The following C11orf97 variants were observed in gnomAD, a reference collection of about 807,000 sequenced individuals.
C11orf97 encodes the protein uncharacterized protein C11orf97.
A neutral mutation model predicts 16.2 loss-of-function variants in C11orf97; 15 were observed. That is an observed-to-expected ratio of 0.93 (90% CI 0.62 to 1.43). The LOEUF (loss-of-function observed/expected upper bound fraction) is 1.43, where lower values mean the gene tolerates loss of function less well. Ranked by LOEUF, C11orf97 falls within the 40% of genes most tolerant of loss-of-function variation. C11orf97 has a pLI of 0.00. For synonymous variants in C11orf97, 61 were observed against 65.7 expected, an observed-to-expected ratio of 0.93 and a Z score of 0.34; for missense variants, 171 against 161.2, an observed-to-expected ratio of 1.06 and a Z score of -0.33.
At chr11:94,517,467 A>G (rs781295081) in intron 1 of C11orf97, 116 bp from the exon 2 acceptor site, 16 of 521,090 alleles carry the variant, frequency 3.1e-5, no homozygotes, top group Non-Finnish European at 5.0e-5. Flanking sequence ...AAATTGTCTG[A>G]TATTTGTATG....
At position 94,526,591 on chromosome 11, in the gene C11orf97, G is replaced by A. The variant is rs1006066851; in HGVS notation, c.251-1493G>A. Among the ~76,000 whole-genome samples the A allele has an allele frequency of 3.4e-4, 51 of 152,156 alleles. 1 individual carries two copies. Among genetic ancestry groups the A allele is most frequent in the Non-Finnish European group, 6.9e-4 (47 of 68,002 alleles). Reference sequence around the variant, plus strand: ...CCACAAGTTCAAATCTATTTCCCTGGTCTCCCACAGGGTATCATGCACTGG... The same window carrying A: ...CCACAAGTTCAAATCTATTTCCCTGATCTCCCACAGGGTATCATGCACTGG... On this transcript the variant is annotated intron_variant, in intron 2 of 3. Transcript: ENST00000542198.
chr11:94,524,151 G>A (rs906273348), intron 2 of C11orf97, among the ~76,000 whole-genome samples: 49 of 152,082 alleles, frequency 3.2e-4, no homozygotes, highest in African/African-American at 9.9e-4. Flanking sequence ...TCTTCTGCAC[G>A]TGATAAATTT....
chr11:94,520,155 A>C (rs1947646533), intron 2 of C11orf97, among the ~76,000 whole-genome samples: 1 of 152,176 alleles, frequency 6.6e-6, no homozygotes, highest in African/African-American at 2.4e-5. Context: ...GAGTCCAGGG[A>C]AACTGTTCTT....
At chr11:94,521,172 T>C (rs1322023322) in intron 2 of C11orf97, among the ~76,000 whole-genome samples, 1 of 152,242 alleles carries the variant, frequency 6.6e-6, no homozygotes, top group Non-Finnish European at 1.5e-5. Context: ...GAAATTGTCC[T>C]CCAGGTCACC....
At chr11:94,528,314 C>A in intron 3 of C11orf97, 105 bp downstream of exon 3, 2 of 1,079,056 alleles carry the variant, frequency 1.9e-6, no homozygotes, top group Non-Finnish European at 2.5e-6. Flanking sequence ...CAAAACTCAA[C>A]CTTCCTTTGA....
intron 2 of C11orf97, among the ~76,000 whole-genome samples, chr11:94,523,261 G>A (rs1371049106): frequency 1.3e-5 from 2 of 152,130 alleles, no homozygotes; most frequent in African/African-American, 4.8e-5. Context: ...ATACTGTTTT[G>A]TAGATATTCC....
At chr11:94,517,750 A>G in intron 2 of C11orf97, 63 bp downstream of exon 2, 1 of 1,105,244 alleles carries the variant, frequency 9.0e-7, no homozygotes, top group Non-Finnish European at 1.3e-6. Flanking sequence ...ACTTGATGAC[A>G]GAGTATTTTA....
intron 1 of C11orf97, among the ~76,000 whole-genome samples, chr11:94,514,052 C>T (rs114014812): frequency 0.032 from 4,910 of 152,242 alleles, 280 homozygotes; most frequent in African/African-American, 0.11. Flanking sequence ...TCGAGTGATC[C>T]GCTCGCCTCA....
chr11:94,514,566 T>C (rs1422728441), intron 1 of C11orf97, among the ~76,000 whole-genome samples: 2 of 152,012 alleles, frequency 1.3e-5, no homozygotes, highest in Non-Finnish European at 2.9e-5. Context: ...TTGAATTATA[T>C]AAAGGCAGCT....
intron 3 of C11orf97, among the ~76,000 whole-genome samples, chr11:94,531,398 C>A (rs1947737359): frequency 6.6e-6 from 1 of 151,696 alleles, no homozygotes; most frequent in Admixed American, 6.6e-5. Context: ...AAGATTGGGC[C>A]ACTTCACTCC....
In C11orf97 at chr11:94,531,892, C is replaced by A; in HGVS notation, c.377-4C>A. The A allele has an allele frequency of 6.9e-7, 1 of 1,457,502 alleles. No individual in the cohort carries two copies. The highest frequency in any genetic ancestry group is 9.0e-7 in the Non-Finnish European group (1 of 1,105,746). 90.3% of individuals were successfully genotyped at this position (1,457,502 alleles called of 1,614,324 possible). A position where few individuals can be genotyped will look rare whatever the true frequency, so the allele number is the denominator to read the frequency against. On this transcript the variant is annotated splice_region_variant and splice_polypyrimidine_tract_variant and intron_variant, in intron 3 of 3. Coordinates refer to ENST00000542198, the MANE Select transcript of C11orf97 (RefSeq NM_001190462.2). Reference sequence around the variant, plus strand: ...TATTTTTTCACTTTTTTTTTTAACTCTAGGATAAGATGAATTAGATTTTCC... The same window carrying A: ...TATTTTTTCACTTTTTTTTTTAACTATAGGATAAGATGAATTAGATTTTCC...
In C11orf97 at chr11:94,531,951, A is replaced by G; in HGVS notation, c.*51A>G. 1 of 1,391,274 alleles carries G rather than the reference A, an allele frequency of 7.2e-7. No individual in the cohort carries two copies. Among genetic ancestry groups the G allele is most frequent in the East Asian group, 2.6e-5 (1 of 38,166 alleles). The allele number at this position is 1,391,274 out of a possible 1,614,324, so 86.2% of individuals were successfully genotyped here. On this transcript the variant is annotated 3_prime_UTR_variant, in exon 4 of 4. Coordinates refer to ENST00000542198, the MANE Select transcript of C11orf97 (RefSeq NM_001190462.2). ...GGAACCTCTTTCTGCTGATGTCTGA[A>G]GAACGGAGAAGAAACTCAAGCTTGT...
At chr11:94,531,707 G>A (rs1315766610) in intron 3 of C11orf97, among the ~76,000 whole-genome samples, 189 bp from the exon 4 acceptor site, 1 of 152,050 alleles carries the variant, frequency 6.6e-6, no homozygotes, top group Non-Finnish European at 1.5e-5. Context: ...CGGAAACTAT[G>A]CTTCAGTCGT....
intron 2 of C11orf97, among the ~76,000 whole-genome samples, chr11:94,526,310 T>A (rs1479947678): frequency 6.6e-6 from 1 of 152,224 alleles, no homozygotes; most frequent in Non-Finnish European, 1.5e-5. Flanking sequence ...GCTATTTTTT[T>A]TCCTGCAACC....
chr11:94,522,373 A>C (rs1947664252), intron 2 of C11orf97, among the ~76,000 whole-genome samples: 1 of 152,068 alleles, frequency 6.6e-6, no homozygotes, highest in African/African-American at 2.4e-5. Context: ...GTCTCTACTA[A>C]ACATACAAAA....
intron 3 of C11orf97, among the ~76,000 whole-genome samples, chr11:94,531,387 C>G (rs1276798266): frequency 6.6e-6 from 1 of 151,964 alleles, no homozygotes; most frequent in Admixed American, 6.6e-5. Context: ...TGCAGCGACC[C>G]AAGATTGGGC....
chr11:94,527,993 TAAA>T, intron 2 of C11orf97, 88 bp from the exon 3 acceptor site: 1 of 1,275,526 alleles, frequency 7.8e-7, no homozygotes, highest in Non-Finnish European at 1.0e-6. Context: ...CCCAAATAAA[TAAA>T]AAAATCACCA....
At position 94,512,584 on chromosome 11, in the gene C11orf97, G is replaced by A. The variant is rs1437271623; in HGVS notation, c.56G>A (p.Arg19His). 1.6e-6 allele frequency: 2 copies of A among 1,289,312 alleles called. No individual in the cohort carries two copies. The highest frequency in any genetic ancestry group is 2.9e-4 in the Middle Eastern group (1 of 3,392). 79.9% of individuals were successfully genotyped at this position (1,289,312 alleles called of 1,614,324 possible). Residue 19 changes from arginine (R) to histidine (H), a missense_variant, in exon 1 of 4, where the codon CGC becomes CAC. Transcript: ENST00000542198. ...GCAGTGGTGGCGCCCAAGGCGGGTC[G>A]CGAAGAGGAGCAGCCTCCTCCGCCA... ...VTAVVAPKAGREEEQPPPPAG... is the reference protein window; with the variant it reads ...VTAVVAPKAGHEEEQPPPPAG...
At chr11:94,513,031 G>A (rs901769138) in intron 1 of C11orf97, among the ~76,000 whole-genome samples, 1 of 152,044 alleles carries the variant, frequency 6.6e-6, no homozygotes, top group African/African-American at 2.4e-5. Flanking sequence ...GTATGTATGC[G>A]TATACACCCT....
Sources: gnomAD v4.1 joint callset for allele counts (sites outside exome capture counted in the v4.1 genomes callset) on GRCh38, gnomAD v4.1.1 for gene constraint, MANE v1.5 for transcripts, NCBI Gene and HGNC (gene_info 2026-07-23, HGNC 2026-07-21) for gene names.